Variants in SPICE1 observed in about 807,000 individuals in gnomAD.
SPICE1 encodes spindle and centriole-associated protein 1.
Under a neutral mutation model 102.7 loss-of-function variants are expected in SPICE1, and 75 were observed. The ratio of observed to expected loss-of-function variants is 0.73; its 90% CI spans 0.61 to 0.88. SPICE1 has a LOEUF of 0.88. SPICE1 is among the 40% of genes least tolerant of loss of function. The pLI is 0.00. For synonymous variants in SPICE1, 308 were observed against 350.3 expected, an observed-to-expected ratio of 0.88 and a Z score of 1.35; for missense variants, 979 against 1,020.1, an observed-to-expected ratio of 0.96 and a Z score of 0.55.
intron 7 of SPICE1, among the ~76,000 whole-genome samples, chr3:113,480,059 A>C (rs1936455350): frequency 6.6e-6 from 1 of 152,156 alleles, no homozygotes; most frequent in African/African-American, 2.4e-5. Context: ...CACTGAAACA[A>C]AATTTTTTAA....
intron 4 of SPICE1, among the ~76,000 whole-genome samples, chr3:113,494,440 G>A (rs1936833274): frequency 6.6e-6 from 1 of 152,068 alleles, no homozygotes; most frequent in Non-Finnish European, 1.5e-5. Flanking sequence ...GAGGTCAGGA[G>A]ATCGAGACCA....
Position 113,459,456 on chromosome 3 carries a change from C to CA in SPICE1, c.1435+1160dup, listed in dbSNP as rs200111666. 6,371 of 949,176 alleles carry CA rather than the reference C, an allele frequency of 6.7e-3. 63 individuals are homozygous for CA. Among genetic ancestry groups the CA allele is most frequent in the African/African-American group, 0.048 (2,620 of 54,728 alleles). 58.8% of individuals were successfully genotyped at this position (949,176 alleles called of 1,614,324 possible). A position where few individuals can be genotyped will look rare whatever the true frequency, so the allele number is the denominator to read the frequency against. ...AAAAACAAAACAAAACAAAACAAAACAAAAAAAAACAATAATTCTACAATA... is the reference window on the plus strand; with the variant it reads ...AAAAACAAAACAAAACAAAACAAAACAAAAAAAAAACAATAATTCTACAATA... On this transcript the variant is annotated intron_variant, in intron 12 of 17. Coordinates refer to ENST00000295872, the MANE Select transcript of SPICE1 (RefSeq NM_144718.4).
At chr3:113,489,906 T>C (rs970696004) in intron 6 of SPICE1, among the ~76,000 whole-genome samples, 2 of 150,942 alleles carry the variant, frequency 1.3e-5, no homozygotes, top group Non-Finnish European at 3.0e-5. Flanking sequence ...CCCATAATAC[T>C]GTATTTTCTT....
At chr3:113,514,712 C>T in intron 1 of SPICE1, 185 bp downstream of exon 1, 2 of 1,217,540 alleles carry the variant, frequency 1.6e-6, no homozygotes, top group Non-Finnish European at 2.2e-6. Context: ...ATGACGCTCC[C>T]GGTCCCAAAG....
At position 113,499,433 on chromosome 3, in the gene SPICE1, C is replaced by A. The variant is rs754119180; in HGVS notation, c.291+6G>T. On this transcript the variant is annotated splice_donor_region_variant and intron_variant, in intron 4 of 17. Transcript: ENST00000295872. ...TCTTTCTAACTCTAATGCAGTTTAG[C>A]ATTACCTCCTTCATGATAGACAATC... 1 of 1,610,592 alleles carries A rather than the reference C, an allele frequency of 6.2e-7. No homozygotes were observed.
intron 3 of SPICE1, 131 bp downstream of exon 3, chr3:113,503,049 A>C: frequency 3.4e-6 from 3 of 883,016 alleles, no homozygotes; most frequent in Non-Finnish European, 5.2e-6. Context: ...TTGATTTTAT[A>C]TAGACATAAA....
rs1937220515 is a variant in SPICE1, at chr3:113,511,510, C to T, written c.-1+3387G>A. ...TACACTTGGCAAACGAATGCAGGAACAGAAAATCAAACACCACATGTACTC... is the reference window on the plus strand; with the variant it reads ...TACACTTGGCAAACGAATGCAGGAATAGAAAATCAAACACCACATGTACTC... On this transcript the variant is annotated intron_variant, in intron 1 of 17. Transcript: ENST00000295872. Among the ~76,000 whole-genome samples, 7 of 152,276 alleles carry T rather than the reference C, an allele frequency of 4.6e-5. No homozygotes were observed. In the South Asian group the frequency reaches 1.2e-3, roughly 27 times the overall value.
chr3:113,477,968 A>G (rs566691036), intron 7 of SPICE1, among the ~76,000 whole-genome samples: 16 of 148,758 alleles, frequency 1.1e-4, no homozygotes, highest in African/African-American at 3.3e-4. Context: ...GAATCTGCCG[A>G]AAAAAAAGCA....
At chr3:113,494,164 ATAT>A in intron 4 of SPICE1, 22 bp from the exon 5 acceptor site, 1 of 1,470,660 alleles carries the variant, frequency 6.8e-7, no homozygotes. Context: ...TTAATGACAA[ATAT>A]TATTATTCAG....
intron 7 of SPICE1, among the ~76,000 whole-genome samples, chr3:113,487,043 A>T (rs1241904184): frequency 6.6e-6 from 1 of 152,020 alleles, no homozygotes; most frequent in Non-Finnish European, 1.5e-5. Flanking sequence ...TTTTGTCAAA[A>T]AGAGAGGTAA....
intron 4 of SPICE1, among the ~76,000 whole-genome samples, chr3:113,495,396 CA>C (rs1936861351): frequency 2.0e-5 from 3 of 152,332 alleles, no homozygotes; most frequent in East Asian, 3.9e-4. Context: ...GCAAGAGTCA[CA>C]TTCTTAATTT....
chr3:113,450,501 G>C lies in SPICE1; in HGVS notation c.2158C>G (p.Gln720Glu), dbSNP rs1159402505. The C allele has an allele frequency of 1.3e-6, 2 of 1,595,008 alleles. No individual in the cohort carries two copies. Among genetic ancestry groups the C allele is most frequent in the South Asian group, 2.3e-5 (2 of 88,642 alleles). ...SDMTSTFPVA[Q>E]SLTPGSMEER... is the part of the protein sequence containing the mutation. ...TCCATACTACCTGGTGTTAGAGACT[G>C]TGCTACTGGAAAAGTCTTTGGGAGA... The change falls in exon 15 of 18, where the codon CAG (glutamine) becomes GAG (glutamate). Residue 720 changes from glutamine to glutamate, a missense_variant. By Grantham distance (29) the Gln-to-Glu change is conservative. Coordinates refer to ENST00000295872, the MANE Select transcript of SPICE1 (RefSeq NM_144718.4).
chr3:113,478,977 A>T (rs1053586428), intron 7 of SPICE1, among the ~76,000 whole-genome samples: 4 of 152,164 alleles, frequency 2.6e-5, no homozygotes, highest in South Asian at 2.1e-4. Context: ...ACAATTTTTT[A>T]AAAAATTATT....
At chr3:113,485,958 C>T (rs576774679) in intron 7 of SPICE1, among the ~76,000 whole-genome samples, 2 of 151,812 alleles carry the variant, frequency 1.3e-5, no homozygotes, top group East Asian at 1.9e-4. Context: ...AATAAAAATA[C>T]AAAATTAGCC....
chr3:113,457,180 G>A lies in SPICE1; in HGVS notation c.1613C>T (p.Pro538Leu), dbSNP rs781233106. Residue 538 changes from proline (P) to leucine (L), a missense_variant, in exon 13 of 18, where the codon CCA becomes CTA. By Grantham distance (98) the Pro-to-Leu change is moderately conservative. Transcript: ENST00000295872. Reference sequence around the variant, plus strand: ...TTTTAAGTTGCTCTTCTGCCTGGGTGGTGTTAACAACACAGCTGGCTCAAA... The same window carrying A: ...TTTTAAGTTGCTCTTCTGCCTGGGTAGTGTTAACAACACAGCTGGCTCAAA... ...HIFEPAVLLTPPRQKSNLKFS... is the reference protein window; with the variant it reads ...HIFEPAVLLTLPRQKSNLKFS... 18 of 1,614,146 alleles carry A rather than the reference G, an allele frequency of 1.1e-5. No homozygotes were observed. Among genetic ancestry groups the A allele is most frequent in the Non-Finnish European group, 1.4e-5 (17 of 1,180,024 alleles).
At chr3:113,457,387 T>C (rs544083844) in intron 12 of SPICE1, 30 bp from the exon 13 acceptor site, 5 of 1,605,762 alleles carry the variant, frequency 3.1e-6, no homozygotes, top group Admixed American at 1.7e-5. Context: ...ATTAGTACAA[T>C]AGGAACAAAA....
chr3:113,483,858 C>T (rs1016703364), intron 7 of SPICE1, among the ~76,000 whole-genome samples: 2 of 152,012 alleles, frequency 1.3e-5, no homozygotes, highest in African/African-American at 4.8e-5. Context: ...TGTGTCTCTG[C>T]CAGGATTTGG....
At chr3:113,504,597 G>GAA (rs1937073322) in intron 2 of SPICE1, among the ~76,000 whole-genome samples, 2 of 142,622 alleles carry the variant, frequency 1.4e-5, no homozygotes. Flanking sequence ...AAAAAAAAGG[G>GAA]AAAAGGAAAA....
rs1024939709 is a variant in SPICE1, at chr3:113,476,614, C to A, written c.612-7376G>T. Among the ~76,000 whole-genome samples, 17 of 147,200 alleles carry A rather than the reference C, an allele frequency of 1.2e-4. 1 individual carries two copies. In the East Asian group the frequency reaches 1.8e-3, roughly 15 times the overall value. On this transcript the variant is annotated intron_variant, in intron 7 of 17. Coordinates refer to ENST00000295872, the MANE Select transcript of SPICE1 (RefSeq NM_144718.4). Reference sequence around the variant, plus strand: ...ATAGATCAATGGAACAGAACAGAGCCCTCAGAAATAACGCCGCATATCTAC... The same window carrying A: ...ATAGATCAATGGAACAGAACAGAGCACTCAGAAATAACGCCGCATATCTAC...
Sources: allele counts gnomAD v4.1 joint callset (sites outside exome capture counted in the v4.1 genomes callset), GRCh38; gene constraint gnomAD v4.1.1; transcripts MANE v1.5; gene names NCBI Gene and HGNC (gene_info 2026-07-23, HGNC 2026-07-21).